The following LSAMP variants were observed in gnomAD, a reference collection of about 807,000 sequenced individuals.
LSAMP encodes the protein limbic system-associated membrane protein.
A neutral mutation model predicts 38.6 loss-of-function variants in LSAMP; 7 were observed. The ratio of observed to expected loss-of-function variants is 0.18; its 90% CI spans 0.10 to 0.34. LSAMP has a LOEUF of 0.34. LSAMP is among the 10% of genes least tolerant of loss of function. LSAMP has a pLI of 1.00. For missense variants in LSAMP, 313 were observed against 420.0 expected (o/e 0.75, Z 2.23); for synonymous variants, 154 against 166.8 (o/e 0.92, Z 0.59).
chr3:116,338,455 C>A (rs1376116015), intron 1 of LSAMP, among the ~76,000 whole-genome samples: 1 of 152,042 alleles, frequency 6.6e-6, no homozygotes, highest in African/African-American at 2.4e-5. Context: ...TAGTAGTAGA[C>A]ATCTCCACAT....
At chr3:116,123,026 TGA>T (rs1224313346) in intron 1 of LSAMP, among the ~76,000 whole-genome samples, 3 of 152,234 alleles carry the variant, frequency 2.0e-5, no homozygotes, top group Non-Finnish European at 4.4e-5. Context: ...TGGCTTTTTT[TGA>T]GTTACTTTCT....
chr3:116,401,804 C>T (rs1319107978), intron 1 of LSAMP, among the ~76,000 whole-genome samples: 7 of 152,132 alleles, frequency 4.6e-5, no homozygotes, highest in Admixed American at 4.6e-4. Flanking sequence ...CAAATATATA[C>T]ATAAAGAGAT....
At chr3:116,143,034 AATAT>A (rs574726541) in intron 1 of LSAMP, among the ~76,000 whole-genome samples, 19 of 149,046 alleles carry the variant, frequency 1.3e-4, no homozygotes, top group Middle Eastern at 7.1e-3. Flanking sequence ...TATTATCTAT[AATAT>A]ATAACTACAT....
intron 1 of LSAMP, among the ~76,000 whole-genome samples, chr3:116,114,833 T>C (rs1016958078): frequency 9.2e-5 from 14 of 152,232 alleles, no homozygotes; most frequent in African/African-American, 3.4e-4. Flanking sequence ...TCACATTCCT[T>C]ATCTATTTAG....
chr3:115,957,777 A>T (rs1004402378), intron 3 of LSAMP, among the ~76,000 whole-genome samples: 4 of 152,204 alleles, frequency 2.6e-5, no homozygotes, highest in African/African-American at 9.7e-5. Flanking sequence ...GGAAGATATG[A>T]TGACCCACTT....
intron 1 of LSAMP, among the ~76,000 whole-genome samples, chr3:116,400,107 A>T (rs561187410): frequency 1.4e-3 from 207 of 151,988 alleles, no homozygotes; most frequent in South Asian, 4.4e-3. Flanking sequence ...AATCTAAAAA[A>T]CCCCTAAATT....
intron 1 of LSAMP, among the ~76,000 whole-genome samples, chr3:116,154,933 C>A (rs2107530815): frequency 6.6e-6 from 1 of 152,200 alleles, no homozygotes; most frequent in Non-Finnish European, 1.5e-5. Context: ...TAAACATATA[C>A]ATATTTGGAG....
chr3:116,351,080 T>C (rs889286262), intron 1 of LSAMP, among the ~76,000 whole-genome samples: 1 of 150,832 alleles, frequency 6.6e-6, no homozygotes, highest in Non-Finnish European at 1.5e-5. Flanking sequence ...AAGAAACCTC[T>C]TTTTTTTTCA....
chr3:116,069,803 G>A (rs1189122470), intron 2 of LSAMP, among the ~76,000 whole-genome samples: 2 of 152,242 alleles, frequency 1.3e-5, no homozygotes, highest in East Asian at 1.9e-4. Context: ...TGAAGTGGCT[G>A]ATAGATAGAC....
intron 1 of LSAMP, among the ~76,000 whole-genome samples, chr3:116,393,496 C>A (rs538851418): frequency 6.6e-6 from 1 of 152,304 alleles, no homozygotes; most frequent in African/African-American, 2.4e-5. Flanking sequence ...CTCACTGCCC[C>A]ATGTCTGACT....
chr3:115,934,538 C>T (rs989422991), intron 3 of LSAMP, among the ~76,000 whole-genome samples: 3 of 152,212 alleles, frequency 2.0e-5, no homozygotes, highest in Non-Finnish European at 2.9e-5. Context: ...ATGTAAAATA[C>T]ATATATACTA....
chr3:115,979,523 G>T (rs1460266160), intron 3 of LSAMP, among the ~76,000 whole-genome samples: 4 of 152,106 alleles, frequency 2.6e-5, no homozygotes, highest in Non-Finnish European at 5.9e-5. Context: ...GGCTTTGAAG[G>T]TTCTATGATT....
intron 1 of LSAMP, among the ~76,000 whole-genome samples, chr3:116,110,971 G>GGTT (rs1708598616): frequency 6.6e-6 from 1 of 152,050 alleles, no homozygotes; most frequent in Non-Finnish European, 1.5e-5. Context: ...AGTCAAAAGG[G>GGTT]GTTCTCTGGT....
At chr3:116,077,036 T>C (rs1707759327) in intron 2 of LSAMP, among the ~76,000 whole-genome samples, 1 of 151,866 alleles carries the variant, frequency 6.6e-6, no homozygotes, top group African/African-American at 2.4e-5. Flanking sequence ...ATATACTGTA[T>C]ATTAATACAA....
chr3:116,176,638 TTTTG>T (rs1156766900), intron 1 of LSAMP, among the ~76,000 whole-genome samples: 1 of 152,114 alleles, frequency 6.6e-6, no homozygotes, highest in South Asian at 2.1e-4. Context: ...CATACCAAAT[TTTTG>T]TTTGTTTGTT....
chr3:116,128,499 T>C (rs926287676), intron 1 of LSAMP, among the ~76,000 whole-genome samples: 2 of 152,224 alleles, frequency 1.3e-5, no homozygotes, highest in African/African-American at 2.4e-5. Flanking sequence ...GGTTTGATCA[T>C]GTCATTCACC....
chr3:115,825,859 C>T (rs944449728), intron 6 of LSAMP, among the ~76,000 whole-genome samples: 1 of 152,134 alleles, frequency 6.6e-6, no homozygotes, highest in African/African-American at 2.4e-5. Flanking sequence ...AATGTACATA[C>T]ATTGTTGTAA....
At chr3:115,997,012 C>A (rs1939833986) in intron 3 of LSAMP, among the ~76,000 whole-genome samples, 1 of 152,126 alleles carries the variant, frequency 6.6e-6, no homozygotes, top group African/African-American at 2.4e-5. Context: ...ATGTGACTCA[C>A]TCTCTGTTAG....
At chr3:116,029,818 G>T (rs751420849) in intron 2 of LSAMP, among the ~76,000 whole-genome samples, 1 of 151,854 alleles carries the variant, frequency 6.6e-6, no homozygotes, top group Non-Finnish European at 1.5e-5. Flanking sequence ...CTGCCTAAAG[G>T]TGTAAGCTGG....
Sources: allele counts gnomAD v4.1 joint callset (sites outside exome capture counted in the v4.1 genomes callset), GRCh38; gene constraint gnomAD v4.1.1; transcripts MANE v1.5; gene names NCBI Gene and HGNC (gene_info 2026-07-23, HGNC 2026-07-21).